Variants in TNFRSF13B observed in about 807,000 individuals in gnomAD.
The protein encoded by TNFRSF13B is tumor necrosis factor receptor superfamily member 13B.
TNFRSF13B carries 34 observed loss-of-function variants against 24.0 expected under a neutral mutation model. That is an observed-to-expected ratio of 1.41 (90% confidence interval 1.08 to 1.88). TNFRSF13B has a LOEUF of 1.88. Among genes scored for constraint, TNFRSF13B ranks in the 40% most tolerant of loss-of-function variants. The probability of loss-of-function intolerance (pLI) is 0.00; values close to 1 mark genes in which losing one functional copy is unlikely to be tolerated. For missense variants in TNFRSF13B, 415 were observed against 380.8 expected, an observed-to-expected ratio of 1.09 and a Z score of -0.75; for synonymous variants, 173 against 150.3, an observed-to-expected ratio of 1.15 and a Z score of -1.10.
chr17:16,951,197 TCTTGGGTGAGTCA>T (rs2087586077), intron 2 of TNFRSF13B, among the ~76,000 whole-genome samples: 1 of 152,206 alleles, frequency 6.6e-6, no homozygotes, highest in Non-Finnish European at 1.5e-5. Flanking sequence ...AACTGGGTGA[TCTTGGGTGAGTCA>T]CTCAGCCTCT....
At chr17:16,968,907 CA>C (rs573184392) in intron 1 of TNFRSF13B, among the ~76,000 whole-genome samples, 7 of 152,070 alleles carry the variant, frequency 4.6e-5, no homozygotes, top group African/African-American at 1.2e-4. Flanking sequence ...GCATTTTCCC[CA>C]AAAAAACCAT....
intron 2 of TNFRSF13B, among the ~76,000 whole-genome samples, chr17:16,952,028 C>T (rs959952501): frequency 6.6e-6 from 1 of 152,188 alleles, no homozygotes. Flanking sequence ...TTGTGCTGTC[C>T]TCTCTATGTA....
chr17:16,946,563 T>C (rs1178923540), intron 3 of TNFRSF13B, among the ~76,000 whole-genome samples: 14 of 100,862 alleles, frequency 1.4e-4, no homozygotes, highest in Non-Finnish European at 3.5e-4. Flanking sequence ...TTTTTTATTA[T>C]TTTTATTTTT....
chr17:16,955,645 A>G (rs577616904), intron 1 of TNFRSF13B, among the ~76,000 whole-genome samples: 1 of 152,370 alleles, frequency 6.6e-6, no homozygotes, highest in African/African-American at 2.4e-5. Context: ...ACTAGGGTAC[A>G]TCATCATATT....
intron 1 of TNFRSF13B, among the ~76,000 whole-genome samples, chr17:16,953,747 A>G (rs764115845): frequency 3.9e-5 from 6 of 152,190 alleles, no homozygotes; most frequent in African/African-American, 7.2e-5. Flanking sequence ...AAATGCTTAA[A>G]AGCATTTTGC....
intron 1 of TNFRSF13B, among the ~76,000 whole-genome samples, chr17:16,968,561 T>C (rs1021905539): frequency 2.0e-4 from 30 of 152,228 alleles, no homozygotes; most frequent in African/African-American, 6.3e-4. Context: ...AAACATTAAC[T>C]CAAAGTAGAT....
chr17:16,944,003 T>C (rs1168298858), intron 3 of TNFRSF13B, among the ~76,000 whole-genome samples: 1 of 152,118 alleles, frequency 6.6e-6, no homozygotes, highest in Admixed American at 6.5e-5. Flanking sequence ...CAGTCCAGCT[T>C]GGGAGCCTGC....
At chr17:16,946,840 T>TGCCTCC (rs1287144677) in intron 3 of TNFRSF13B, among the ~76,000 whole-genome samples, 1 of 152,146 alleles carries the variant, frequency 6.6e-6, no homozygotes, top group Non-Finnish European at 1.5e-5. Flanking sequence ...CGCCTGCCTC[T>TGCCTCC]GCCTCCCAAA....
chr17:16,949,947 A>G (rs946122565), intron 2 of TNFRSF13B, among the ~76,000 whole-genome samples: 2 of 152,202 alleles, frequency 1.3e-5, no homozygotes, highest in Admixed American at 1.3e-4. Flanking sequence ...CGGCCTCCCA[A>G]AGTGCTGGGA....
At chr17:16,949,466 G>A (rs1199378444) in intron 2 of TNFRSF13B, among the ~76,000 whole-genome samples, 10 of 152,164 alleles carry the variant, frequency 6.6e-5, no homozygotes, top group Admixed American at 5.9e-4. Context: ...GGGGCTGGAA[G>A]GAAGGTGGAA....
At chr17:16,945,217 C>T (rs545111070) in intron 3 of TNFRSF13B, among the ~76,000 whole-genome samples, 36 of 152,260 alleles carry the variant, frequency 2.4e-4, no homozygotes, top group Non-Finnish European at 4.1e-4. Flanking sequence ...CATCCTCACA[C>T]AGCCCCCAAT....
Position 16,939,499 on chromosome 17 carries a change from C to T in TNFRSF13B, c.*48G>A. 1 of 1,579,102 alleles carries T rather than the reference C, an allele frequency of 6.3e-7. No homozygotes were observed. The highest frequency in any genetic ancestry group is 8.6e-7 in the Non-Finnish European group (1 of 1,160,570). ...CTCTCCCCACCTCTCTTTCTCTCTC[C>T]CCTCCTCTCCATCTCTCTCCCTCCT... On this transcript the variant is annotated 3_prime_UTR_variant, in exon 5 of 5. Coordinates refer to ENST00000261652, the MANE Select transcript of TNFRSF13B (RefSeq NM_012452.3).
intron 1 of TNFRSF13B, among the ~76,000 whole-genome samples, chr17:16,959,194 T>C (rs548682790): frequency 9.1e-4 from 139 of 152,128 alleles, no homozygotes; most frequent in Admixed American, 1.4e-3. Context: ...TTCACAAATA[T>C]GTGTAAATTA....
chr17:16,962,761 C>A (rs4985700), intron 1 of TNFRSF13B, among the ~76,000 whole-genome samples: 99,449 of 151,798 alleles, frequency 0.66, 32,788 homozygotes, highest in East Asian at 0.76. Context: ...AGGGGAAGAA[C>A]AAAACTGCAG....
rs2087567483 is a variant in TNFRSF13B, at chr17:16,948,823, T to C, written c.360A>G (p.Arg120=). 6.2e-7 allele frequency: 1 copy of C among 1,614,230 alleles called. No individual in the cohort carries two copies. The highest frequency in any genetic ancestry group is 1.1e-5 in the South Asian group (1 of 91,088). ...SPVNLPPELR[R]QRSGEVENNS... ...TGTTTTCAACTTCTCCACTCCGCTG[T>C]CTCCTGAGCTCTGGTGGAAGGTTCA... is the stretch of plus-strand genomic sequence containing the variant. Residue 120 remains arginine (R), a synonymous_variant, in exon 3 of 5, where the codon AGA becomes AGG. Coordinates refer to ENST00000261652, the MANE Select transcript of TNFRSF13B (RefSeq NM_012452.3).
In TNFRSF13B at chr17:16,971,815, C is replaced by T. The variant is rs541792599; in HGVS notation, c.61+200G>A. On this transcript the variant is annotated intron_variant, in intron 1 of 4. Coordinates refer to ENST00000261652, the MANE Select transcript of TNFRSF13B (RefSeq NM_012452.3). Reference sequence around the variant, plus strand: ...CCTGCAACCTCAGTGGCTTCTGTCACGGAAGGCAAGCCCCACATCCCAGAG... The same window carrying T: ...CCTGCAACCTCAGTGGCTTCTGTCATGGAAGGCAAGCCCCACATCCCAGAG... Among the ~76,000 whole-genome samples the T allele has an allele frequency of 7.9e-5, 12 of 152,306 alleles. No individual in the cohort carries two copies. In the South Asian group the frequency reaches 1.9e-3, roughly 24 times the overall value.
At chr17:16,940,869 T>C (rs974952336) in intron 3 of TNFRSF13B, 4 of 1,168,566 alleles carry the variant, frequency 3.4e-6, no homozygotes, top group Non-Finnish European at 4.3e-6. Flanking sequence ...CATCCTGAAC[T>C]GGGCCCTTCC....
intron 3 of TNFRSF13B, 125 bp from the exon 4 acceptor site, chr17:16,940,636 C>G: frequency 7.2e-6 from 11 of 1,519,760 alleles, no homozygotes; most frequent in Non-Finnish European, 8.8e-6. Flanking sequence ...GGCTGGGCTC[C>G]TTTTCTGACC....
rs775743817 is a variant in TNFRSF13B at position 16,940,501 on chromosome 17, C to T, written c.456G>A (p.Gly152=). 2 of 1,613,508 alleles carry T rather than the reference C, an allele frequency of 1.2e-6. No homozygotes were observed. The highest frequency in any genetic ancestry group is 8.5e-7 in the Non-Finnish European group (1 of 1,179,978). The change falls in exon 4 of 5, where the codon GGG becomes GGA. Residue 152 remains glycine, a synonymous_variant. Coordinates refer to ENST00000261652, the MANE Select transcript of TNFRSF13B (RefSeq NM_012452.3). ...CCACCTGATCTGCACTCAGCTTCAG[C>T]CCCGGGAGAGCTGCAAGACAGCATG... The part of the protein sequence containing the change: ...RGSEASPALP[G]LKLSADQVAL...
Sources: gnomAD v4.1 joint callset for allele counts (sites outside exome capture counted in the v4.1 genomes callset) on GRCh38, gnomAD v4.1.1 for gene constraint, MANE v1.5 for transcripts, NCBI Gene and HGNC (gene_info 2026-07-23, HGNC 2026-07-21) for gene names.